PPP1R35: variants seen among roughly 807,000 people sequenced by gnomAD.
PPP1R35 encodes the protein UPF0683 protein C7orf47.
PPP1R35 carries 23 observed loss-of-function variants against 22.2 expected under a neutral mutation model. That is an observed-to-expected ratio of 1.04 (90% CI 0.75 to 1.47). The LOEUF (loss-of-function observed/expected upper bound fraction) is 1.47. Ranked by LOEUF, PPP1R35 falls within the 40% of genes most tolerant of loss-of-function variation. PPP1R35 has a pLI of 0.00. For synonymous variants in PPP1R35, 198 were observed against 165.7 expected (o/e 1.19, Z -1.50); for missense variants, 409 against 349.6 (o/e 1.17, Z -1.36).
chr7:100,435,506 T>G lies in PPP1R35; in HGVS notation c.616A>C (p.Thr206Pro). The G allele has an allele frequency of 6.2e-7, 1 of 1,614,040 alleles. No individual in the cohort carries two copies. Among genetic ancestry groups the G allele is most frequent in the Non-Finnish European group, 8.5e-7 (1 of 1,179,990 alleles). The change falls in exon 4 of 4, where the codon ACC (threonine) becomes CCC (proline). Residue 206 changes from threonine to proline, a missense_variant. Transcript: ENST00000292330. ...KEPPGPGPDM[T>P]ILCDPETLFY... ...AGCGTTTCTGGGTCACACAAGATGG[T>G]CATGTCTGGCCCAGGCCCAGGTGGC... is the stretch of plus-strand genomic sequence containing the variant.
At chr7:100,436,566 C>T (rs1219576551), upstream of PPP1R35, 1 of 411,968 alleles carries the variant, frequency 2.4e-6, no homozygotes, top group Non-Finnish European at 4.3e-6. Context: ...CGTCATTTCC[C>T]TCGCTCCGTC....
chr7:100,436,142 T>G lies in PPP1R35; in HGVS notation c.233A>C (p.Gln78Pro), dbSNP rs1021174705. Residue 78 changes from glutamine (Q) to proline (P), a missense_variant and splice_region_variant, in exon 1 of 4, where the codon CAG becomes CCG. Coordinates refer to ENST00000292330, the MANE Select transcript of PPP1R35 (RefSeq NM_145030.4). ...ERRGAARQRR[Q>P]VRFRLTPPSP... ...CGGGGGCCAGCCTCCCCCGCTCACC[T>G]GCCGCCGCTGCCGAGCCGCGCCCCG... 7.9e-7 allele frequency: 1 copy of G among 1,271,166 alleles called. No individual in the cohort carries two copies. Among genetic ancestry groups the G allele is most frequent in the Non-Finnish European group, 9.9e-7 (1 of 1,013,234 alleles). The allele number at this position is 1,271,166 out of a possible 1,614,324, so 78.7% of individuals were successfully genotyped here. A position where few individuals can be genotyped will look rare whatever the true frequency, so the allele number is the denominator to read the frequency against.
rs773706769 is a variant in PPP1R35 at position 100,436,095 on chromosome 7, T to G, written c.235-31A>C. 4.1e-6 allele frequency: 6 copies of G among 1,480,590 alleles called. No individual in the cohort carries two copies. The South Asian group carries it at 5.2e-5, about 13-fold the overall frequency. 91.7% of individuals were successfully genotyped at this position (1,480,590 alleles called of 1,614,324 possible). A position where few individuals can be genotyped will look rare whatever the true frequency, so the allele number is the denominator to read the frequency against. On this transcript the variant is annotated intron_variant, in intron 1 of 3. Transcript: ENST00000292330. ...AGCAGAGGGCAGGGCAGTGACCAGG[T>G]GGGCGCGAGGCCGTCGCGGGCCGGG...
At chr7:100,436,647 C>G, upstream of PPP1R35, 1 of 343,502 alleles carries the variant, frequency 2.9e-6, no homozygotes, top group East Asian at 4.4e-5. Context: ...TGGAAGCACT[C>G]ACAGCCTTGG....
chr7:100,435,500 A>G lies in PPP1R35; in HGVS notation c.622T>C (p.Leu208=), dbSNP rs769747688. 6.2e-6 allele frequency: 10 copies of G among 1,614,144 alleles called. No homozygotes were observed. In the Admixed American group the frequency reaches 1.5e-4, roughly 24 times the overall value. ...PPGPGPDMTI[L]CDPETLFYES... is the part of the protein sequence containing the mutation. ...TAAAATAGCGTTTCTGGGTCACACA[A>G]GATGGTCATGTCTGGCCCAGGCCCA... The change falls in exon 4 of 4, where the codon TTG becomes CTG. Residue 208 remains leucine (L), a synonymous_variant. Coordinates refer to ENST00000292330, the MANE Select transcript of PPP1R35 (RefSeq NM_145030.4).
At position 100,435,646 on chromosome 7, in the gene PPP1R35, TC is replaced by T. The variant is rs781521359; in HGVS notation, c.572del (p.Arg191GlnfsTer15). 7.5e-6 allele frequency: 12 copies of T among 1,610,658 alleles called. No individual in the cohort carries two copies. In the Admixed American group the frequency reaches 1.5e-4, roughly 20 times the overall value. ...EKLALLPPQA[R>X]APHPKEPPGP... Reference sequence around the variant, plus strand: ...ACCCCATCACCTTTGGGTGCGGGGCTCGAGCCTGTGGCGGCAGGAGAGCCAA... The same window carrying T: ...ACCCCATCACCTTTGGGTGCGGGGCTGAGCCTGTGGCGGCAGGAGAGCCAA... On this transcript the variant is annotated frameshift_variant, in exon 3 of 4. Transcript: ENST00000292330. LOFTEE classifies it high-confidence loss of function.
rs370003283 is a variant in PPP1R35 at position 100,435,755 on chromosome 7, G to A, written c.464C>T (p.Pro155Leu). ...EESVSEGLNV[P>L]RSKRLFRDLV... ...GTCCCGGAAGAGCCGCTTGGAGCGC[G>A]GCACGTTCAGCCCTGAGAGCGCAGC... The change falls in exon 3 of 4, where the codon CCG becomes CTG. Residue 155 changes from proline (P) to leucine (L), a missense_variant. Pro to Leu is a moderately conservative substitution (Grantham distance 98, BLOSUM62 -3). Coordinates refer to ENST00000292330, the MANE Select transcript of PPP1R35 (RefSeq NM_145030.4). The A allele has an allele frequency of 1.2e-5, 20 of 1,600,084 alleles. No individual in the cohort carries two copies. Among genetic ancestry groups the A allele is most frequent in the Non-Finnish European group, 1.7e-5 (20 of 1,177,308 alleles).
chr7:100,435,572 G>A lies in PPP1R35; in HGVS notation c.589-39C>T, dbSNP rs185356395. 3.7e-4 allele frequency: 592 copies of A among 1,614,180 alleles called. 1 individual carries two copies. In the African/African-American group the frequency reaches 6.9e-3, roughly 19 times the overall value. ...GGGCCCAAAGCAAGGTTACACTTTGGGAGGAAGGATCCGGGTAAGGGGGTA... is the reference window on the plus strand; with the variant it reads ...GGGCCCAAAGCAAGGTTACACTTTGAGAGGAAGGATCCGGGTAAGGGGGTA... On this transcript the variant is annotated intron_variant, in intron 3 of 3. Coordinates refer to ENST00000292330, the MANE Select transcript of PPP1R35 (RefSeq NM_145030.4).
At chr7:100,435,597 A>G (rs774281041) in intron 3 of PPP1R35, 34 bp downstream of exon 3, 1 of 1,614,044 alleles carries the variant, frequency 6.2e-7, no homozygotes, top group Non-Finnish European at 8.5e-7. Context: ...GTAAGGGGGT[A>G]CATGGAGGAA....
chr7:100,436,535 C>T, upstream of PPP1R35: 1 of 440,114 alleles, frequency 2.3e-6, no homozygotes, highest in Non-Finnish European at 3.9e-6. Flanking sequence ...CAGCCCCACC[C>T]ACCCTGTTGT....
upstream of PPP1R35, chr7:100,436,561 T>A: frequency 2.4e-6 from 1 of 413,954 alleles, no homozygotes; most frequent in Non-Finnish European, 4.3e-6. Context: ...CCAGGCGTCA[T>A]TTCCCTCGCT....
chr7:100,435,544 G>A lies in PPP1R35; in HGVS notation c.589-11C>T, dbSNP rs934905776. On this transcript the variant is annotated splice_polypyrimidine_tract_variant and intron_variant, in intron 3 of 3. Coordinates refer to ENST00000292330, the MANE Select transcript of PPP1R35 (RefSeq NM_145030.4). ...AGGCCCAGGTGGCTCCTGTTGGGAG[G>A]TTGGGCCCAAAGCAAGGTTACACTT... The A allele has an allele frequency of 2.5e-6, 4 of 1,614,178 alleles. No homozygotes were observed. Among genetic ancestry groups the A allele is most frequent in the East Asian group, 2.2e-5 (1 of 44,874 alleles).
chr7:100,436,019 G>A lies in PPP1R35; in HGVS notation c.280C>T (p.Gln94Ter). 3 of 1,546,444 alleles carry A rather than the reference G, an allele frequency of 1.9e-6. No homozygotes were observed. Among genetic ancestry groups the A allele is most frequent in the Non-Finnish European group, 8.7e-7 (1 of 1,152,232 alleles). Residue 94 changes from glutamine to a stop codon, truncating the protein, a stop_gained, in exon 2 of 4, where the codon CAG becomes TAG. Transcript: ENST00000292330. LOFTEE classifies it high-confidence loss of function. Reference protein sequence around the residue: ...TPPSPVRSEPQPAVPQELEMP... With the variant: ...TPPSPVRSEP ...TCCAGCTCCTGCGGCACCGCAGGCT[G>A]CGGCTCGGACCGCACCGGGGAGGGC... is the stretch of plus-strand genomic sequence containing the variant.
chr7:100,435,825 G>A (rs374902104), intron 2 of PPP1R35, 23 bp downstream of exon 2: 46 of 1,576,154 alleles, frequency 2.9e-5, no homozygotes, highest in Non-Finnish European at 3.8e-5. Flanking sequence ...TCCCGCACGC[G>A]GCCGGCCGCC....
Position 100,435,408 on chromosome 7 carries a change from T to G in PPP1R35, c.714A>C (p.Ser238=). ...TCCGGTGCATGAGGAAGGTGTCCTC[T>G]GAAGGGCGGGGCCGGAGTTGAAGTC... The part of the protein sequence containing the change: ...PLRLQLRPRP[S]EDTFLMHRTL... The change falls in exon 4 of 4, where the codon TCA becomes TCC. Residue 238 remains serine, a synonymous_variant. Coordinates refer to ENST00000292330, the MANE Select transcript of PPP1R35 (RefSeq NM_145030.4). 1 of 1,612,386 alleles carries G rather than the reference T, an allele frequency of 6.2e-7. No homozygotes were observed. The highest frequency in any genetic ancestry group is 8.5e-7 in the Non-Finnish European group (1 of 1,179,548).
At position 100,435,755 on chromosome 7, in the gene PPP1R35, G is replaced by C. The variant is rs370003283; in HGVS notation, c.464C>G (p.Pro155Arg). The C allele has an allele frequency of 1.7e-5, 27 of 1,600,084 alleles. No homozygotes were observed. The South Asian group carries it at 2.8e-4, about 16-fold the overall frequency. ...EESVSEGLNV[P>R]RSKRLFRDLV... ...GTCCCGGAAGAGCCGCTTGGAGCGCGGCACGTTCAGCCCTGAGAGCGCAGC... is the reference window on the plus strand; with the variant it reads ...GTCCCGGAAGAGCCGCTTGGAGCGCCGCACGTTCAGCCCTGAGAGCGCAGC... Residue 155 changes from proline (P) to arginine (R), a missense_variant, in exon 3 of 4, where the codon CCG becomes CGG. By Grantham distance (103) the Pro-to-Arg change is moderately radical. Coordinates refer to ENST00000292330, the MANE Select transcript of PPP1R35 (RefSeq NM_145030.4).
At position 100,435,888 on chromosome 7, in the gene PPP1R35, C is replaced by T. The variant is rs772962008; in HGVS notation, c.411G>A (p.Ser137=). 6 of 1,599,720 alleles carry T rather than the reference C, an allele frequency of 3.8e-6. No homozygotes were observed. The highest frequency in any genetic ancestry group is 3.4e-5 in the Admixed American group (2 of 59,188). Residue 137 remains serine, a synonymous_variant, in exon 2 of 4, where the codon TCG becomes TCA. Transcript: ENST00000292330. ...AKAVEEQLRK[S]FQIRCGLEES... ...CCTCCAGGCCGCAGCGGATCTGGAA[C>T]GACTTTCTCAGCTGTTCCTCCACGG...
chr7:100,435,448 C>G lies in PPP1R35; in HGVS notation c.674G>C (p.Gly225Ala). Reference protein sequence around the residue: ...FYESPHLTLDGLPPLRLQLRP... With the variant: ...FYESPHLTLDALPPLRLQLRP... ...GAGTTGAAGTCGGAGAGGGGGCAGA[C>G]CGTCCAGGGTCAGGTGTGGAGATTC... The change falls in exon 4 of 4, where the codon GGT becomes GCT. Residue 225 changes from glycine to alanine, a missense_variant. Transcript: ENST00000292330. 3 of 1,613,388 alleles carry G rather than the reference C, an allele frequency of 1.9e-6. No homozygotes were observed. The highest frequency in any genetic ancestry group is 2.5e-6 in the Non-Finnish European group (3 of 1,179,862).
rs199698977 is a variant in PPP1R35 at position 100,436,332 on chromosome 7, C to T, written c.43G>A (p.Gly15Arg). The change falls in exon 1 of 4, where the codon GGG becomes AGG. Residue 15 changes from glycine to arginine, a missense_variant. By Grantham distance (125) the Gly-to-Arg change is moderately radical. Transcript: ENST00000292330. ...CGESELKSAD[G>R]EEAAAVPGPP... The stretch of plus-strand genomic sequence containing the variant: ...CCCGGGACCGCCGCGGCTTCTTCCC[C>T]GTCCGCCGACTTCAGCTCTGACTCC... The T allele has an allele frequency of 5.6e-4, 789 of 1,399,268 alleles. No individual in the cohort carries two copies. Among genetic ancestry groups the T allele is most frequent in the East Asian group, 9.9e-4 (36 of 36,308 alleles). 86.7% of individuals were successfully genotyped at this position (1,399,268 alleles called of 1,614,324 possible).
Sources: allele counts gnomAD v4.1 joint callset, GRCh38; gene constraint gnomAD v4.1.1; transcripts MANE v1.5; gene names NCBI Gene and HGNC (gene_info 2026-07-23, HGNC 2026-07-21).